Variants in WASL observed in about 807,000 individuals in gnomAD.
The protein encoded by WASL is actin nucleation-promoting factor WASL.
WASL carries 20 observed loss-of-function variants against 55.5 expected under a neutral mutation model. The observed-to-expected ratio is 0.36, with a 90% CI of 0.25 to 0.52. The LOEUF (loss-of-function observed/expected upper bound fraction) is 0.52. Ranked by LOEUF, WASL falls within the 20% of genes least tolerant of loss-of-function variation. The pLI is 0.92. For missense variants in WASL, 504 were observed against 622.5 expected, an observed-to-expected ratio of 0.81 and a Z score of 2.03; for synonymous variants, 249 against 217.6, an observed-to-expected ratio of 1.14 and a Z score of -1.27.
chr7:123,695,014 T>TA (rs1194082230), intron 7 of WASL, 146 bp from the exon 8 acceptor site: 62 of 795,414 alleles, frequency 7.8e-5, no homozygotes, highest in Admixed American at 1.3e-4. Context: ...AATATTTTAT[T>TA]AAAAAAAACT....
chr7:123,721,187 G>A (rs1354992346), intron 1 of WASL, among the ~76,000 whole-genome samples: 1 of 152,056 alleles, frequency 6.6e-6, no homozygotes, highest in Non-Finnish European at 1.5e-5. Context: ...ATAAAAATAA[G>A]CAAATTAAAA....
chr7:123,740,000 G>A (rs1057512582), intron 1 of WASL, among the ~76,000 whole-genome samples: 6 of 151,734 alleles, frequency 4.0e-5, no homozygotes, highest in Admixed American at 6.6e-5. Context: ...GAATAACTGA[G>A]GGGTAAAACC....
intron 1 of WASL, among the ~76,000 whole-genome samples, chr7:123,747,126 T>A (rs1201143996): frequency 2.6e-5 from 4 of 152,058 alleles, no homozygotes; most frequent in Admixed American, 2.6e-4. Context: ...GAAAAAAAAA[T>A]ACCCTTCTAA....
chr7:123,701,887 A>G (rs1442195421), intron 5 of WASL, among the ~76,000 whole-genome samples: 1 of 151,860 alleles, frequency 6.6e-6, no homozygotes, highest in Non-Finnish European at 1.5e-5. Flanking sequence ...TGTATATTTT[A>G]TAAGTATACA....
intron 1 of WASL, among the ~76,000 whole-genome samples, chr7:123,714,958 G>C (rs959967038): frequency 6.6e-6 from 1 of 152,132 alleles, no homozygotes; most frequent in African/African-American, 2.4e-5. Context: ...CCCTACCATA[G>C]GAAAGTTTGG....
chr7:123,715,420 A>G (rs1393421939), intron 1 of WASL, among the ~76,000 whole-genome samples: 1 of 152,184 alleles, frequency 6.6e-6, no homozygotes, highest in Non-Finnish European at 1.5e-5. Flanking sequence ...AATCTACAGA[A>G]TGAGAAATTT....
chr7:123,748,885 G>C lies in WASL; in HGVS notation c.-151C>G. ...CCGGAGCGGGGAGGAGGACGAGGTCGAGGGAAGCAGGCGCTGACGGCGAGC... is the reference window on the plus strand; with the variant it reads ...CCGGAGCGGGGAGGAGGACGAGGTCCAGGGAAGCAGGCGCTGACGGCGAGC... On this transcript the variant is annotated 5_prime_UTR_variant, in exon 1 of 11. Transcript: ENST00000223023. 1.5e-6 allele frequency: 1 copy of C among 645,984 alleles called. No individual in the cohort carries two copies. 40.0% of individuals were successfully genotyped at this position (645,984 alleles called of 1,614,324 possible).
intron 9 of WASL, 57 bp from the exon 10 acceptor site, chr7:123,689,207 C>A: frequency 3.5e-6 from 5 of 1,431,326 alleles, no homozygotes; most frequent in South Asian, 1.2e-5. Context: ...GAATCTTTGT[C>A]TCCAGAAAGT....
At chr7:123,708,073 C>G (rs1453336024) in intron 2 of WASL, among the ~76,000 whole-genome samples, 1 of 152,062 alleles carries the variant, frequency 6.6e-6, no homozygotes, top group Non-Finnish European at 1.5e-5. Flanking sequence ...GTAGTCACAG[C>G]TACTCAGAAG....
At position 123,729,820 on chromosome 7, in the gene WASL, A is replaced by C. The variant is rs77034645; in HGVS notation, c.117+18798T>G. Among the ~76,000 whole-genome samples the C allele has an allele frequency of 9.7e-4, 147 of 152,294 alleles. 3 individuals are homozygous for C. In the East Asian group the frequency reaches 0.022, roughly 23 times the overall value. On this transcript the variant is annotated intron_variant, in intron 1 of 10. Transcript: ENST00000223023. ...TGATAATCCGGTGTATGTTTAATCAAATAAAGTTAAAAGCTTCTCAAACTT... is the reference window on the plus strand; with the variant it reads ...TGATAATCCGGTGTATGTTTAATCACATAAAGTTAAAAGCTTCTCAAACTT...
intron 9 of WASL, among the ~76,000 whole-genome samples, chr7:123,690,095 A>G (rs952869582): frequency 2.0e-5 from 3 of 152,174 alleles, no homozygotes; most frequent in Admixed American, 6.5e-5. Context: ...AAATGAAAAA[A>G]GATAACAGAG....
At chr7:123,733,628 G>C (rs1804175784) in intron 1 of WASL, among the ~76,000 whole-genome samples, 1 of 152,082 alleles carries the variant, frequency 6.6e-6, no homozygotes. Context: ...AAAACGGAAA[G>C]ATATGGAAAG....
At chr7:123,741,569 A>G (rs1355232129) in intron 1 of WASL, among the ~76,000 whole-genome samples, 1 of 152,208 alleles carries the variant, frequency 6.6e-6, no homozygotes, top group African/African-American at 2.4e-5. Flanking sequence ...ATAAATTATA[A>G]CAAAGTTCAA....
At chr7:123,696,868 T>C in intron 5 of WASL, 121 bp from the exon 6 acceptor site, 1 of 720,490 alleles carries the variant, frequency 1.4e-6, no homozygotes, top group Non-Finnish European at 1.9e-6. Context: ...TTATTTATAT[T>C]TTAAACTTCT....
chr7:123,731,448 T>C (rs73718469), intron 1 of WASL, among the ~76,000 whole-genome samples: 2,012 of 152,196 alleles, frequency 0.013, 49 homozygotes, highest in African/African-American at 0.046. Context: ...ACAGCACCAA[T>C]CAACTGGATC....
Position 123,683,403 on chromosome 7 carries a change from C to T in WASL, c.*1116G>A, listed in dbSNP as rs1047878261. On this transcript the variant is annotated 3_prime_UTR_variant, in exon 11 of 11. Coordinates refer to ENST00000223023, the MANE Select transcript of WASL (RefSeq NM_003941.4). ...AAAAAAAAATCTATCATTCAGTTAT[C>T]TGTTCCAAGAACTCTGACATTGGGA... 6.6e-6 allele frequency: 1 copy of T among 151,908 alleles called. No individual in the cohort carries two copies. Among genetic ancestry groups the T allele is most frequent in the Non-Finnish European group, 1.5e-5 (1 of 67,908 alleles). The allele number at this position is 151,908 out of a possible 1,614,324, so 9.4% of individuals were successfully genotyped here. A position where few individuals can be genotyped will look rare whatever the true frequency, so the allele number is the denominator to read the frequency against.
At chr7:123,744,903 T>A (rs183013289) in intron 1 of WASL, among the ~76,000 whole-genome samples, 123 of 152,088 alleles carry the variant, frequency 8.1e-4, no homozygotes, top group Admixed American at 2.9e-3. Flanking sequence ...TCAGAACTAT[T>A]TATGTAAAAG....
In WASL at chr7:123,725,049, A is replaced by C. The variant is rs148847463; in HGVS notation, c.118-15826T>G. On this transcript the variant is annotated intron_variant, in intron 1 of 10. Transcript: ENST00000223023. ...AGTAGTGAGAGTTCTGAGGCAAAAA[A>C]CAGCATACTAAAGTCAACGTACATT... Among the ~76,000 whole-genome samples the C allele has an allele frequency of 2.5e-3, 376 of 152,342 alleles. 3 individuals are homozygous for C. The highest frequency in any genetic ancestry group is 8.4e-3 in the African/African-American group (349 of 41,584).
intron 1 of WASL, among the ~76,000 whole-genome samples, chr7:123,735,984 C>T (rs957779769): frequency 2.0e-5 from 3 of 152,008 alleles, no homozygotes; most frequent in African/African-American, 7.2e-5. Context: ...ATAATCAGAT[C>T]CCTTCAAACT....
Sources: gnomAD v4.1 joint callset for allele counts (sites outside exome capture counted in the v4.1 genomes callset) on GRCh38, gnomAD v4.1.1 for gene constraint, MANE v1.5 for transcripts, NCBI Gene and HGNC (gene_info 2026-07-23, HGNC 2026-07-21) for gene names.